Variants in ZNF710 observed in about 807,000 individuals in gnomAD.
ZNF710 encodes the protein zinc finger protein 710.
Under a neutral mutation model 50.6 loss-of-function variants are expected in ZNF710, and 13 were observed. The observed-to-expected ratio is 0.26, with a 90% CI of 0.17 to 0.41. The LOEUF (loss-of-function observed/expected upper bound fraction) is 0.41, where lower values mean the gene tolerates loss of function less well. Ranked by LOEUF, ZNF710 falls within the 10% of genes least tolerant of loss-of-function variation. The pLI, the probability that ZNF710 is intolerant of heterozygous loss-of-function variation, is 1.00. For synonymous variants in ZNF710, 383 were observed against 397.0 expected, an observed-to-expected ratio of 0.96 and a Z score of 0.42; for missense variants, 721 against 936.6, an observed-to-expected ratio of 0.77 and a Z score of 3.01.
intron 1 of ZNF710, among the ~76,000 whole-genome samples, chr15:90,010,496 A>G (rs1400624683): frequency 1.3e-5 from 2 of 151,848 alleles, no homozygotes; most frequent in Non-Finnish European, 2.9e-5. Context: ...GGGTTTTTCC[A>G]TGTTGCCCAG....
In ZNF710 at chr15:90,081,464, G is replaced by A. The variant is rs1900720284; in HGVS notation, c.*1635G>A. ...CTGCGGTGGGAGGAACCAATCTGCAGCGCAGCCACCCCCAAGGCTGGATCC... is the reference window on the plus strand; with the variant it reads ...CTGCGGTGGGAGGAACCAATCTGCAACGCAGCCACCCCCAAGGCTGGATCC... On this transcript the variant is annotated 3_prime_UTR_variant, in exon 5 of 5. Coordinates refer to ENST00000268154, the MANE Select transcript of ZNF710 (RefSeq NM_198526.4). 1 of 152,276 alleles carries A rather than the reference G, an allele frequency of 6.6e-6. No individual in the cohort carries two copies. The highest frequency in any genetic ancestry group is 1.5e-5 in the Non-Finnish European group (1 of 68,114). 9.4% of individuals were successfully genotyped at this position (152,276 alleles called of 1,614,324 possible). A position where few individuals can be genotyped will look rare whatever the true frequency, so the allele number is the denominator to read the frequency against.
chr15:90,010,928 G>GTT (rs11341248), intron 1 of ZNF710, among the ~76,000 whole-genome samples: 13 of 79,068 alleles, frequency 1.6e-4, no homozygotes, highest in South Asian at 4.9e-4. Flanking sequence ...TTGGTTTTTT[G>GTT]TTTTTTTTTT....
At chr15:90,038,969 C>T (rs1414319071) in intron 1 of ZNF710, among the ~76,000 whole-genome samples, 1 of 152,142 alleles carries the variant, frequency 6.6e-6, no homozygotes, top group Non-Finnish European at 1.5e-5. Flanking sequence ...GCTTTGGTAA[C>T]ATGACATGTT....
intron 2 of ZNF710, among the ~76,000 whole-genome samples, chr15:90,072,677 G>A (rs1231232426): frequency 1.3e-5 from 2 of 152,162 alleles, no homozygotes; most frequent in Non-Finnish European, 2.9e-5. Flanking sequence ...ACAGACCCCT[G>A]CCGCCTAGTG....
chr15:90,051,013 C>T (rs990345555), intron 1 of ZNF710, among the ~76,000 whole-genome samples: 9 of 151,814 alleles, frequency 5.9e-5, no homozygotes, highest in Non-Finnish European at 7.4e-5. Flanking sequence ...CCGAGGTGGG[C>T]GGATCACTTG....
At chr15:90,007,389 A>G (rs1194653588) in intron 1 of ZNF710, among the ~76,000 whole-genome samples, 1 of 152,072 alleles carries the variant, frequency 6.6e-6, no homozygotes, top group Non-Finnish European at 1.5e-5. Flanking sequence ...GGTTGAAATC[A>G]GGGGTCCTGG....
chr15:90,044,048 A>C (rs1899383127), intron 1 of ZNF710, among the ~76,000 whole-genome samples: 1 of 152,094 alleles, frequency 6.6e-6, no homozygotes. Flanking sequence ...TTTTTTCTCC[A>C]TTGCTCTAAA....
At chr15:90,035,271 C>T (rs1035181246) in intron 1 of ZNF710, among the ~76,000 whole-genome samples, 1 of 152,260 alleles carries the variant, frequency 6.6e-6, no homozygotes, top group African/African-American at 2.4e-5. Context: ...CAGCTTCCGG[C>T]TGCTGGGCGT....
intron 4 of ZNF710, among the ~76,000 whole-genome samples, chr15:90,077,095 G>A (rs1900608164): frequency 6.6e-6 from 1 of 152,102 alleles, no homozygotes; most frequent in East Asian, 1.9e-4. Context: ...GTAACTATGG[G>A]GCTGTCATTT....
At chr15:90,051,128 A>C (rs1189632766) in intron 1 of ZNF710, among the ~76,000 whole-genome samples, 1 of 151,920 alleles carries the variant, frequency 6.6e-6, no homozygotes, top group Non-Finnish European at 1.5e-5. Flanking sequence ...AGTCCCAGCT[A>C]CTTGGGAGGC....
intron 1 of ZNF710, among the ~76,000 whole-genome samples, chr15:90,037,081 A>C (rs1899151253): frequency 2.0e-5 from 3 of 152,042 alleles, no homozygotes. Flanking sequence ...GCTGGGTTCA[A>C]AGCCTGGCTC....
chr15:90,040,200 G>A lies in ZNF710; in HGVS notation c.-28-26910G>A, dbSNP rs1056162576. Among the ~76,000 whole-genome samples, 3 of 152,200 alleles carry A rather than the reference G, an allele frequency of 2.0e-5. No individual in the cohort carries two copies. Among genetic ancestry groups the A allele is most frequent in the African/African-American group, 7.2e-5 (3 of 41,436 alleles). On this transcript the variant is annotated intron_variant, in intron 1 of 4. Transcript: ENST00000268154. This position sits in a 1 kb window ranked among gnomAD's most constrained non-coding sequence, Gnocchi z 4.6. ...CACCCAGGCCTCAGGCCTGTGCACT[G>A]TGGCCACTGCCTCCTCTGCACGTAG...
At chr15:90,042,994 C>A (rs965310311) in intron 1 of ZNF710, among the ~76,000 whole-genome samples, 1 of 152,262 alleles carries the variant, frequency 6.6e-6, no homozygotes, top group African/African-American at 2.4e-5. Flanking sequence ...AGCCAACCCA[C>A]CCGCTTACCC....
intron 1 of ZNF710, among the ~76,000 whole-genome samples, chr15:90,046,452 C>T (rs1899464026): frequency 6.6e-6 from 1 of 152,112 alleles, no homozygotes. Flanking sequence ...AGGGAAGGGG[C>T]CATATCCTCC....
chr15:90,036,114 A>C (rs1899115943), intron 1 of ZNF710, among the ~76,000 whole-genome samples: 1 of 152,066 alleles, frequency 6.6e-6, no homozygotes. Flanking sequence ...TTCGAAGCGC[A>C]AGCACTTCAC....
In ZNF710 at chr15:90,062,179, C is replaced by A. The variant is rs573230767; in HGVS notation, c.-28-4931C>A. On this transcript the variant is annotated intron_variant, in intron 1 of 4. Coordinates refer to ENST00000268154, the MANE Select transcript of ZNF710 (RefSeq NM_198526.4). The surrounding 1 kb of genome is among the most constrained non-coding windows in gnomAD (Gnocchi z 5.6). ...CCCCTCACTCAGGCTCCTCCTCTGC[C>A]CCCCCTTCCCTGTCTCTTCATTTCT... is the stretch of plus-strand genomic sequence containing the variant. Among the ~76,000 whole-genome samples the A allele has an allele frequency of 2.3e-4, 34 of 150,624 alleles. 1 individual carries two copies. The South Asian group carries it at 6.1e-3, about 27-fold the overall frequency.
At chr15:90,077,882 C>G (rs1417346872) in intron 4 of ZNF710, among the ~76,000 whole-genome samples, 1 of 151,276 alleles carries the variant, frequency 6.6e-6, no homozygotes, top group African/African-American at 2.4e-5. Context: ...GCACCCCAGC[C>G]TTGGCAATAG....
intron 1 of ZNF710, among the ~76,000 whole-genome samples, chr15:90,001,930 G>A (rs1898022282): frequency 6.9e-6 from 1 of 144,970 alleles, no homozygotes; most frequent in South Asian, 2.2e-4. Context: ...GGGAGGGAGC[G>A]AGCGAAAGAG....
rs373497742 is a variant in ZNF710, at chr15:90,040,010, G to A, written c.-28-27100G>A. 1.3e-5 allele frequency among the ~76,000 whole-genome samples: 2 copies of A among 152,214 alleles called. No individual in the cohort carries two copies. Among genetic ancestry groups the A allele is most frequent in the African/African-American group, 4.8e-5 (2 of 41,454 alleles). On this transcript the variant is annotated intron_variant, in intron 1 of 4. Coordinates refer to ENST00000268154, the MANE Select transcript of ZNF710 (RefSeq NM_198526.4). The surrounding 1 kb of genome is among the most constrained non-coding windows in gnomAD (Gnocchi z 4.6). ...GGCCAGAGAAGAGATCTCTGGACAA[G>A]TGTAATCTTGCTATCACATATTAGG...
Sources: gnomAD v4.1 joint callset for allele counts (sites outside exome capture counted in the v4.1 genomes callset) on GRCh38, gnomAD v4.1.1 for gene constraint, Gnocchi (gnomAD v3.1) non-coding constraint, MANE v1.5 for transcripts, NCBI Gene and HGNC (gene_info 2026-07-23, HGNC 2026-07-21) for gene names.